Variants in CSTF3 observed in about 807,000 individuals in gnomAD.
CSTF3 encodes cleavage stimulation factor subunit 3.
A neutral mutation model predicts 105.8 loss-of-function variants in CSTF3; 29 were observed. The observed-to-expected ratio is 0.27, with a 90% CI of 0.20 to 0.37. CSTF3 has a LOEUF of 0.37. Ranked by LOEUF, CSTF3 falls within the 10% of genes least tolerant of loss-of-function variation. The probability of loss-of-function intolerance (pLI) is 1.00; values close to 1 mark genes in which losing one functional copy is unlikely to be tolerated. For synonymous variants in CSTF3, 252 were observed against 281.9 expected (o/e 0.89, Z 1.06); for missense variants, 357 against 879.3 (o/e 0.41, Z 7.51).
chr11:33,098,891 T>G, intron 12 of CSTF3, 127 bp from the exon 13 acceptor site: 2 of 1,339,184 alleles, frequency 1.5e-6, no homozygotes, highest in Non-Finnish European at 2.0e-6. Flanking sequence ...AAATATAGTA[T>G]AAGCTGACAA....
chr11:33,155,321 G>A (rs1022501404), intron 1 of CSTF3, among the ~76,000 whole-genome samples: 78 of 150,768 alleles, frequency 5.2e-4, no homozygotes, highest in African/African-American at 1.8e-3. Flanking sequence ...CCGTGATTGC[G>A]CCACTGTGCT....
rs1011069838 is a variant in CSTF3 at position 33,145,761 on chromosome 11, C to T, written c.28-3775G>A. On this transcript the variant is annotated intron_variant, in intron 1 of 20. Transcript: ENST00000323959. Reference sequence around the variant, plus strand: ...CCTGGGAGGCAGAGCTTGCAGTGAGCAGAGATGGCGCCACTGCACTCCAGC... The same window carrying T: ...CCTGGGAGGCAGAGCTTGCAGTGAGTAGAGATGGCGCCACTGCACTCCAGC... Among the ~76,000 whole-genome samples, 3 of 151,916 alleles carry T rather than the reference C, an allele frequency of 2.0e-5. 1 individual carries two copies. In the South Asian group the frequency reaches 6.2e-4, roughly 32 times the overall value.
intron 3 of CSTF3, among the ~76,000 whole-genome samples, chr11:33,121,448 G>A (rs572258992): frequency 4.7e-4 from 71 of 152,144 alleles, no homozygotes; most frequent in Non-Finnish European, 8.5e-4. Flanking sequence ...AAGGCTTAAC[G>A]AAAACATATC....
chr11:33,122,914 CAAAA>C (rs10600978), intron 3 of CSTF3, among the ~76,000 whole-genome samples: 1,050 of 83,814 alleles, frequency 0.013, 5 homozygotes, highest in Non-Finnish European at 0.017. Context: ...TATCCTGTCT[CAAAA>C]AAAAAAAAAA....
chr11:33,091,693 GGAGA>G (rs373686684), intron 16 of CSTF3, among the ~76,000 whole-genome samples: 1 of 151,806 alleles, frequency 6.6e-6, no homozygotes, highest in Non-Finnish European at 1.5e-5. Context: ...CAATTTCTAG[GGAGA>G]GAGAGAGAGG....
intron 3 of CSTF3, among the ~76,000 whole-genome samples, chr11:33,116,402 A>G (rs937065133): frequency 6.6e-5 from 10 of 152,190 alleles, no homozygotes; most frequent in African/African-American, 2.2e-4. Context: ...TATAAGATTC[A>G]GAGGAAAAGG....
intron 10 of CSTF3, 108 bp downstream of exon 10, chr11:33,102,069 G>T: frequency 1.3e-6 from 1 of 758,062 alleles, no homozygotes; most frequent in Non-Finnish European, 2.1e-6. Flanking sequence ...TGAATCTGAA[G>T]AACAAAAGAA....
In CSTF3 at chr11:33,096,941, T is replaced by G; in HGVS notation, c.1166A>C (p.Glu389Ala). 1 of 1,611,904 alleles carries G rather than the reference T, an allele frequency of 6.2e-7. No homozygotes were observed. Among genetic ancestry groups the G allele is most frequent in the Non-Finnish European group, 8.5e-7 (1 of 1,178,250 alleles). ...IQYMKFARRA[E>A]GIKSGRMIFK... ...TATCATTCTTCCAGATTTGATGCCT[T>G]CTGCTCTCCGTGCAAATTTCATATA... is the stretch of plus-strand genomic sequence containing the variant. The change falls in exon 14 of 21, where the codon GAA (glutamate) becomes GCA (alanine). Residue 389 changes from glutamate (E) to alanine (A), a missense_variant. Coordinates refer to ENST00000323959, the MANE Select transcript of CSTF3 (RefSeq NM_001326.3).
intron 1 of CSTF3, among the ~76,000 whole-genome samples, chr11:33,144,300 A>G (rs1277462322): frequency 6.6e-6 from 1 of 152,250 alleles, no homozygotes; most frequent in Non-Finnish European, 1.5e-5. Context: ...TTATTTAGAA[A>G]AAAAGACATG....
chr11:33,121,487 T>A (rs773128924), intron 3 of CSTF3, among the ~76,000 whole-genome samples: 43 of 152,294 alleles, frequency 2.8e-4, no homozygotes, highest in Middle Eastern at 6.8e-3. Flanking sequence ...TATTTTATAG[T>A]TTGAAATGTT....
chr11:33,102,576 C>CTA (rs1443063764), intron 9 of CSTF3, among the ~76,000 whole-genome samples: 1 of 152,122 alleles, frequency 6.6e-6, no homozygotes, highest in Non-Finnish European at 1.5e-5. Context: ...TGTAAGTGAT[C>CTA]TAGGAGGTTA....
chr11:33,145,163 A>G (rs2133801839), intron 1 of CSTF3, among the ~76,000 whole-genome samples: 1 of 152,280 alleles, frequency 6.6e-6, no homozygotes, highest in African/African-American at 2.4e-5. Flanking sequence ...CCGGATGCAG[A>G]GGCTCAACCT....
chr11:33,085,832 A>C, intron 19 of CSTF3, 59 bp from the exon 20 acceptor site: 1 of 1,591,914 alleles, frequency 6.3e-7, no homozygotes. Flanking sequence ...AGTAGTAGTA[A>C]CTTTATACAC....
chr11:33,138,200 TTCA>T (rs1333631074), intron 3 of CSTF3, among the ~76,000 whole-genome samples: 1 of 151,816 alleles, frequency 6.6e-6, no homozygotes, highest in East Asian at 1.9e-4. Context: ...CATTACCTTC[TTCA>T]TTTCTCCTTC....
intron 3 of CSTF3, among the ~76,000 whole-genome samples, chr11:33,121,991 A>G (rs1204131827): frequency 6.6e-6 from 1 of 152,200 alleles, no homozygotes; most frequent in African/African-American, 2.4e-5. Flanking sequence ...CCCTTTCCCA[A>G]TCAATACCTA....
chr11:33,141,992 G>GA lies in CSTF3; in HGVS notation c.28-7dup, dbSNP rs752424222. ...TCTGGGACATACTCAGCTGCCTGGG[G>GA]AAAAAAAACAACAGTGAACTAAAGT... is the stretch of plus-strand genomic sequence containing the variant. On this transcript the variant is annotated splice_polypyrimidine_tract_variant and splice_region_variant and intron_variant, in intron 1 of 20. Coordinates refer to ENST00000323959, the MANE Select transcript of CSTF3 (RefSeq NM_001326.3). 6.6e-5 allele frequency: 106 copies of GA among 1,610,174 alleles called. 1 individual carries two copies. In the East Asian group the frequency reaches 8.3e-4, roughly 13 times the overall value.
chr11:33,122,694 A>AGTCTC (rs1855502846), intron 3 of CSTF3, among the ~76,000 whole-genome samples: 2 of 152,016 alleles, frequency 1.3e-5, no homozygotes, highest in African/African-American at 4.8e-5. Context: ...GCTGGTGGTT[A>AGTCTC]GACTGAGTCC....
intron 1 of CSTF3, among the ~76,000 whole-genome samples, chr11:33,151,210 A>T (rs949305604): frequency 1.3e-5 from 2 of 151,904 alleles, no homozygotes; most frequent in African/African-American, 4.8e-5. Context: ...TTTTTCTTTG[A>T]GACAGGATCT....
Position 33,096,401 on chromosome 11 carries a change from G to C in CSTF3, c.1280C>G (p.Ser427Cys). The stretch of plus-strand genomic sequence containing the variant: ...CAGCTCAAAAATCTTAAAGGCAACA[G>C]ATTTGTCCTACAAGTAAAGAAAGTA... ...LMEYYCSKDK[S>C]VAFKIFELGL... Residue 427 changes from serine to cysteine, a missense_variant, in exon 15 of 21, where the codon TCT (serine) becomes TGT (cysteine). By Grantham distance (112) the Ser-to-Cys change is moderately radical. Coordinates refer to ENST00000323959, the MANE Select transcript of CSTF3 (RefSeq NM_001326.3). 5 of 1,588,522 alleles carry C rather than the reference G, an allele frequency of 3.1e-6. No individual in the cohort carries two copies. Among genetic ancestry groups the C allele is most frequent in the Non-Finnish European group, 2.6e-6 (3 of 1,170,276 alleles).
Sources: gnomAD v4.1 joint callset for allele counts (sites outside exome capture counted in the v4.1 genomes callset) on GRCh38, gnomAD v4.1.1 for gene constraint, MANE v1.5 for transcripts, NCBI Gene and HGNC (gene_info 2026-07-23, HGNC 2026-07-21) for gene names.